The following RBPJ variants were observed in gnomAD, a reference collection of about 807,000 sequenced individuals.
The protein encoded by RBPJ is recombining binding protein suppressor of hairless.
Under a neutral mutation model 67.8 loss-of-function variants are expected in RBPJ, and 9 were observed. The ratio of observed to expected loss-of-function variants is 0.13; its 90% CI spans 0.08 to 0.23. The LOEUF is 0.23. Ranked by LOEUF, RBPJ falls within the 10% of genes least tolerant of loss-of-function variation. The probability of loss-of-function intolerance (pLI) is 1.00; values close to 1 mark genes in which losing one functional copy is unlikely to be tolerated. For missense variants in RBPJ, 305 were observed against 595.6 expected (o/e 0.51, Z 5.08); for synonymous variants, 198 against 203.3 (o/e 0.97, Z 0.22).
intron 1 of RBPJ, among the ~76,000 whole-genome samples, chr4:26,286,793 T>A (rs1404988435): frequency 6.6e-6 from 1 of 151,392 alleles, no homozygotes; most frequent in Non-Finnish European, 1.5e-5. Context: ...AACCTCTTTT[T>A]TTTTTTTTTT....
At chr4:26,330,748 T>C (rs1264021485) in intron 1 of RBPJ, among the ~76,000 whole-genome samples, 1 of 152,198 alleles carries the variant, frequency 6.6e-6, no homozygotes. Flanking sequence ...TAAAGGAAGA[T>C]ATTGTGAGGA....
At chr4:26,324,210 A>G (rs1179381958) in intron 1 of RBPJ, among the ~76,000 whole-genome samples, 2 of 152,240 alleles carry the variant, frequency 1.3e-5, no homozygotes, top group African/African-American at 2.4e-5. Flanking sequence ...GAAGTAGGTC[A>G]TATTTTATAG....
the RBPJ span, among the ~76,000 whole-genome samples, chr4:26,115,410 A>G: frequency 6.6e-6 from 1 of 151,232 alleles, no homozygotes; most frequent in Non-Finnish European, 1.5e-5. Flanking sequence ...TTTGAGACGG[A>G]GTCTCGCTCT....
At chr4:26,371,329 C>G (rs1221716139) in intron 1 of RBPJ, among the ~76,000 whole-genome samples, 1 of 152,122 alleles carries the variant, frequency 6.6e-6, no homozygotes, top group Non-Finnish European at 1.5e-5. Flanking sequence ...TAGTGAGCAC[C>G]TACTGCATAC....
At chr4:26,117,402 T>C in the RBPJ span, among the ~76,000 whole-genome samples, 1 of 152,110 alleles carries the variant, frequency 6.6e-6, no homozygotes, top group Admixed American at 6.5e-5. Context: ...GAACTATCAC[T>C]ATACCTAACA....
chr4:26,304,560 T>C (rs1227456591), intron 1 of RBPJ, among the ~76,000 whole-genome samples: 2 of 152,238 alleles, frequency 1.3e-5, no homozygotes, highest in African/African-American at 2.4e-5. Context: ...TGGTATCTCA[T>C]TGTGGTTTTG....
intron 5 of RBPJ, 196 bp downstream of exon 5, chr4:26,420,921 G>T: frequency 9.7e-6 from 5 of 516,090 alleles, no homozygotes; most frequent in South Asian, 2.8e-5. Context: ...AACCAGAGTT[G>T]GTTCCTTAAT....
At chr4:26,346,288 G>A (rs983668196) in intron 1 of RBPJ, among the ~76,000 whole-genome samples, 13 of 152,190 alleles carry the variant, frequency 8.5e-5, no homozygotes, top group African/African-American at 3.1e-4. Context: ...AAAGACTGGC[G>A]ACTGCGGATG....
intron 1 of RBPJ, among the ~76,000 whole-genome samples, chr4:26,385,831 C>A (rs1730861175): frequency 6.7e-6 from 1 of 150,228 alleles, no homozygotes; most frequent in Non-Finnish European, 1.5e-5. Context: ...GAGACAGAGT[C>A]TTGCTGTGTC....
At chr4:26,366,080 A>T (rs1728591968) in intron 1 of RBPJ, among the ~76,000 whole-genome samples, 1 of 152,236 alleles carries the variant, frequency 6.6e-6, no homozygotes, top group Admixed American at 6.5e-5. Context: ...AATATTATGA[A>T]TGTATCACAC....
chr4:26,282,352 C>G (rs1223274738), intron 1 of RBPJ, among the ~76,000 whole-genome samples: 1 of 151,702 alleles, frequency 6.6e-6, no homozygotes, highest in Non-Finnish European at 1.5e-5. Context: ...TCTTAATTTC[C>G]AGTTTAGCAT....
chr4:26,182,921 G>A (rs79893285), intron 1 of RBPJ, among the ~76,000 whole-genome samples: 1,915 of 152,178 alleles, frequency 0.013, 46 homozygotes, highest in African/African-American at 0.044. Context: ...AGGTCTTTGG[G>A]GCAATAACAT....
intron 1 of RBPJ, among the ~76,000 whole-genome samples, chr4:26,210,665 T>TCTTC (rs1718355778): frequency 4.6e-5 from 1 of 21,872 alleles, no homozygotes; most frequent in African/African-American, 2.3e-4. Context: ...CTTTCTTTTT[T>TCTTC]CTTTCTTTCT....
chr4:26,283,151 G>A lies in RBPJ; in HGVS notation c.-166-79295G>A, dbSNP rs1476604778. Among the ~76,000 whole-genome samples, 6 of 146,654 alleles carry A rather than the reference G, an allele frequency of 4.1e-5. 1 individual carries two copies. Among genetic ancestry groups the A allele is most frequent in the East Asian group, 4.3e-4 (2 of 4,692 alleles). On this transcript the variant is annotated intron_variant, in intron 1 of 4. Transcript: ENST00000512351. ...TCACCGTGTTAGCCAGGATGGTGTCGATCTCCTGACCTCGTAATCCACCCG... is the reference window on the plus strand; with the variant it reads ...TCACCGTGTTAGCCAGGATGGTGTCAATCTCCTGACCTCGTAATCCACCCG...
At chr4:26,258,934 G>C (rs1720439126) in intron 1 of RBPJ, among the ~76,000 whole-genome samples, 1 of 152,018 alleles carries the variant, frequency 6.6e-6, no homozygotes, top group African/African-American at 2.4e-5. Flanking sequence ...CTCCTGAGTA[G>C]CTGGGACTAC....
chr4:26,382,755 G>A (rs2109611246), intron 1 of RBPJ, among the ~76,000 whole-genome samples: 1 of 152,294 alleles, frequency 6.6e-6, no homozygotes, highest in Middle Eastern at 3.4e-3. Flanking sequence ...TATCCAGGCT[G>A]GTCTTGAACT....
chr4:26,141,220 C>A, the RBPJ span, among the ~76,000 whole-genome samples: 1 of 152,244 alleles, frequency 6.6e-6, no homozygotes, highest in African/African-American at 2.4e-5. Context: ...AATCAATTTG[C>A]TCTTGCAGTT....
At chr4:26,175,477 G>A (rs1716764605) in intron 1 of RBPJ, among the ~76,000 whole-genome samples, 1 of 152,200 alleles carries the variant, frequency 6.6e-6, no homozygotes, top group Admixed American at 6.5e-5. Context: ...GCATCACATC[G>A]CAGGTTTCCC....
intron 1 of RBPJ, among the ~76,000 whole-genome samples, chr4:26,298,040 T>C (rs1264658453): frequency 6.6e-6 from 1 of 152,212 alleles, no homozygotes. Flanking sequence ...CTGATACAAA[T>C]GTTTCTTCTG....
Sources: allele counts gnomAD v4.1 joint callset (sites outside exome capture counted in the v4.1 genomes callset), GRCh38; gene constraint gnomAD v4.1.1; transcripts MANE v1.5; gene names NCBI Gene and HGNC (gene_info 2026-07-23, HGNC 2026-07-21).